The following MPHOSPH9 variants were observed in gnomAD, a reference collection of about 807,000 sequenced individuals.
MPHOSPH9 encodes M-phase phosphoprotein 9.
Under a neutral mutation model 145.5 loss-of-function variants are expected in MPHOSPH9, and 88 were observed. That is an observed-to-expected ratio of 0.60 (90% CI 0.51 to 0.72). The LOEUF is 0.72. MPHOSPH9 is among the 30% of genes least tolerant of loss of function. The pLI is 0.00. For synonymous variants in MPHOSPH9, 435 were observed against 486.2 expected (o/e 0.89, Z 1.39); for missense variants, 1,238 against 1,386.6 (o/e 0.89, Z 1.70).
intron 2 of MPHOSPH9, among the ~76,000 whole-genome samples, 151 bp from the exon 3 acceptor site, chr12:123,227,767 GCTCCACAAAAGGAAA>G (rs1217680542): frequency 6.6e-6 from 1 of 152,128 alleles, no homozygotes; most frequent in Non-Finnish European, 1.5e-5. Flanking sequence ...ATCACAAGTT[GCTCCACAAAAGGAAA>G]CGGCCAGTAA....
intron 23 of MPHOSPH9, among the ~76,000 whole-genome samples, chr12:123,158,644 T>A (rs1469190506): frequency 6.6e-6 from 1 of 152,128 alleles, no homozygotes; most frequent in Non-Finnish European, 1.5e-5. Context: ...CAATTTTTTT[T>A]TTTTTGAGAC....
chr12:123,184,970 A>ATT (rs1395391054), intron 13 of MPHOSPH9, among the ~76,000 whole-genome samples: 4 of 151,866 alleles, frequency 2.6e-5, no homozygotes, highest in Non-Finnish European at 5.9e-5. Flanking sequence ...CACCCAGCTA[A>ATT]TTTTTGTAGT....
At chr12:123,171,672 A>G (rs982592384) in intron 16 of MPHOSPH9, among the ~76,000 whole-genome samples, 1 of 144,846 alleles carries the variant, frequency 6.9e-6, no homozygotes. Context: ...TCGCTTGAAC[A>G]TGGGAAGCAG....
chr12:123,152,613 A>AT (rs1417626977), downstream of MPHOSPH9: 1 of 456,396 alleles, frequency 2.2e-6, no homozygotes, highest in African/African-American at 2.0e-5. Flanking sequence ...GATTCCTCAC[A>AT]TATCTGAGGG....
At position 123,218,324 on chromosome 12, in the gene MPHOSPH9, C is replaced by A. The variant is rs2047056782; in HGVS notation, c.996+52G>T. The stretch of plus-strand genomic sequence containing the variant: ...GTTTTGTTCATGAGCGTGTACTAAA[C>A]CCACATAATCATCAGTACTGGAGCC... On this transcript the variant is annotated intron_variant, in intron 6 of 23. Coordinates refer to ENST00000606320, the MANE Select transcript of MPHOSPH9 (RefSeq NM_022782.4). 6 of 1,606,702 alleles carry A rather than the reference C, an allele frequency of 3.7e-6. No individual in the cohort carries two copies. The South Asian group carries it at 5.5e-5, about 15-fold the overall frequency.
chr12:123,161,494 C>T (rs77690269), intron 21 of MPHOSPH9, 111 bp from the exon 22 acceptor site: 5 of 1,119,656 alleles, frequency 4.5e-6, no homozygotes, highest in Non-Finnish European at 6.4e-6. Flanking sequence ...TGCTATGTGG[C>T]CCAAAAAAGT....
chr12:123,161,228 G>A lies in MPHOSPH9; in HGVS notation c.3289C>T (p.Pro1097Ser). ...GTATATTCAAAATCATTCCCCTGTG[G>A]AGTGACTGAAACCGGCTTACACTGT... ...YEQCKPVSVTPQGNDFEYTAK... is the reference protein window; with the variant it reads ...YEQCKPVSVTSQGNDFEYTAK... The change falls in exon 22 of 24, where the codon CCA (proline) becomes TCA (serine). Residue 1097 changes from proline (P) to serine (S), a missense_variant. Physicochemically the swap from Pro to Ser is moderately conservative, Grantham distance 74. This residue lies in a region of MPHOSPH9 where 393 missense variants were observed against 462.5 expected (regional missense o/e 0.85). Coordinates refer to ENST00000606320, the MANE Select transcript of MPHOSPH9 (RefSeq NM_022782.4). 6.2e-7 allele frequency: 1 copy of A among 1,614,082 alleles called. No individual in the cohort carries two copies. The highest frequency in any genetic ancestry group is 1.1e-5 in the South Asian group (1 of 91,078).
At chr12:123,188,751 G>A (rs554993756) in intron 13 of MPHOSPH9, among the ~76,000 whole-genome samples, 70 of 152,322 alleles carry the variant, frequency 4.6e-4, no homozygotes, top group Middle Eastern at 3.4e-3. Flanking sequence ...GGTAGGCTAA[G>A]GCAGGGGAAT....
At chr12:123,174,474 G>A (rs955932653) in intron 16 of MPHOSPH9, among the ~76,000 whole-genome samples, 7 of 150,760 alleles carry the variant, frequency 4.6e-5, no homozygotes, top group African/African-American at 7.3e-5. Context: ...CCGGGTTCAC[G>A]CCATTCTCCT....
chr12:123,222,015 T>TC, intron 4 of MPHOSPH9, 120 bp from the exon 5 acceptor site: 13 of 673,596 alleles, frequency 1.9e-5, no homozygotes, highest in Non-Finnish European at 3.1e-5. Context: ...GATAATGTGA[T>TC]ACTTTATCTT....
intron 13 of MPHOSPH9, among the ~76,000 whole-genome samples, chr12:123,183,571 G>GAAA (rs2045301788): frequency 9.5e-6 from 1 of 105,352 alleles, no homozygotes; most frequent in East Asian, 2.9e-4. Context: ...AAAAAAAAAA[G>GAAA]AAAAAGGAAA....
chr12:123,186,368 A>AT (rs1204200712), intron 13 of MPHOSPH9, among the ~76,000 whole-genome samples: 1 of 152,118 alleles, frequency 6.6e-6, no homozygotes, highest in Non-Finnish European at 1.5e-5. Context: ...AAAAAAGTTT[A>AT]TATCTCTATG....
rs1422615616 is a variant in MPHOSPH9, at chr12:123,172,020, A to G, written c.2456+4668T>C. On this transcript the variant is annotated intron_variant, in intron 16 of 23. Transcript: ENST00000606320. ...ACGTTTACTATGTTTGCATGAACCC[A>G]TAAGAAATACAAAATTGCTTCACAT... Among the ~76,000 whole-genome samples, 3 of 152,222 alleles carry G rather than the reference A, an allele frequency of 2.0e-5. No homozygotes were observed. The East Asian group carries it at 5.8e-4, about 29-fold the overall frequency.
chr12:123,236,958 G>A (rs1237211518), upstream of MPHOSPH9, among the ~76,000 whole-genome samples: 1 of 151,992 alleles, frequency 6.6e-6, no homozygotes, highest in East Asian at 1.9e-4. Flanking sequence ...GGCGGCATGC[G>A]CCTGTAGTCC....
chr12:123,200,010 T>C (rs1335744688), intron 11 of MPHOSPH9, among the ~76,000 whole-genome samples: 2 of 152,074 alleles, frequency 1.3e-5, no homozygotes, highest in Non-Finnish European at 2.9e-5. Flanking sequence ...AAAAAATCAC[T>C]CAAATAATCA....
At chr12:123,225,381 G>C (rs1176273572) in intron 3 of MPHOSPH9, among the ~76,000 whole-genome samples, 1 of 146,562 alleles carries the variant, frequency 6.8e-6, no homozygotes, top group African/African-American at 2.5e-5. Context: ...GAGGTTGAAG[G>C]TACAGTGAAC....
At position 123,202,658 on chromosome 12, in the gene MPHOSPH9, A is replaced by G. The variant is rs1465222745; in HGVS notation, c.1747T>C (p.Leu583=). 5 of 1,614,078 alleles carry G rather than the reference A, an allele frequency of 3.1e-6. No individual in the cohort carries two copies. Among genetic ancestry groups the G allele is most frequent in the Admixed American group, 1.7e-5 (1 of 59,994 alleles). Residue 583 remains leucine, a synonymous_variant, in exon 10 of 24, where the codon TTG becomes CTG. Transcript: ENST00000606320. ...ATCACAGGATCTTCCAAGGAAGTCAATGAAATGCATTCTGGGACACTGTTG... is the reference window on the plus strand; with the variant it reads ...ATCACAGGATCTTCCAAGGAAGTCAGTGAAATGCATTCTGGGACACTGTTG... ...TANSVPECIS[L]TSLEDPVILS... is the part of the protein sequence containing the mutation.
At position 123,203,292 on chromosome 12, in the gene MPHOSPH9, C is replaced by G. The variant is rs936075614; in HGVS notation, c.1278G>C (p.Glu426Asp). ...GGTTGGAAGCAGAAGTGAGATTCCT[C>G]TCAGGTAACTGCTTGTTTTCCCTTT... Reference protein sequence around the residue: ...KKQRENKQLPERNLTSASNPN... With the variant: ...KKQRENKQLPDRNLTSASNPN... The change falls in exon 9 of 24, where the codon GAG (glutamate) becomes GAC (aspartate). Residue 426 changes from glutamate (E) to aspartate (D), a missense_variant. Around this residue, in one of 3 missense-constraint regions of MPHOSPH9, gnomAD observed 837 missense variants for 897.5 expected, o/e 0.93. Coordinates refer to ENST00000606320, the MANE Select transcript of MPHOSPH9 (RefSeq NM_022782.4). 1.9e-6 allele frequency: 3 copies of G among 1,613,808 alleles called. No individual in the cohort carries two copies. The highest frequency in any genetic ancestry group is 3.3e-4 in the Middle Eastern group (2 of 6,060).
Position 123,156,751 on chromosome 12 carries a change from G to T in MPHOSPH9, c.*56C>A. On this transcript the variant is annotated 3_prime_UTR_variant, in exon 24 of 24. Transcript: ENST00000606320. ...ACAAAATAGTTTGCCTTTTCTGACT[G>T]CATAATTATACATTAGTGCAAACAA... 1 of 1,417,872 alleles carries T rather than the reference G, an allele frequency of 7.1e-7. No homozygotes were observed. Among genetic ancestry groups the T allele is most frequent in the Non-Finnish European group, 9.9e-7 (1 of 1,012,726 alleles). The allele number at this position is 1,417,872 out of a possible 1,614,324, so 87.8% of individuals were successfully genotyped here. A position where few individuals can be genotyped will look rare whatever the true frequency, so the allele number is the denominator to read the frequency against.
Sources: allele counts gnomAD v4.1 joint callset (sites outside exome capture counted in the v4.1 genomes callset), GRCh38; gene constraint gnomAD v4.1.1; regional missense constraint gnomAD v4.1.1; transcripts MANE v1.5; gene names NCBI Gene and HGNC (gene_info 2026-07-23, HGNC 2026-07-21).